Variants in PRKN observed in about 807,000 individuals in gnomAD.
PRKN encodes parkin RBR E3 ubiquitin protein ligase.
Under a neutral mutation model 59.5 loss-of-function variants are expected in PRKN, and 56 were observed. The observed-to-expected ratio is 0.94, with a 90% CI of 0.76 to 1.18. The LOEUF (loss-of-function observed/expected upper bound fraction) is 1.18, where lower values mean the gene tolerates loss of function less well. Ranked by LOEUF, PRKN falls within the 50% of genes most tolerant of loss-of-function variation. The pLI is 0.00. For missense variants in PRKN, 657 were observed against 596.4 expected (o/e 1.10, Z -1.06); for synonymous variants, 250 against 222.1 (o/e 1.13, Z -1.12).
chr6:162,268,723 A>G lies in PRKN; in HGVS notation c.172-5958T>C, dbSNP rs773710213. Among the ~76,000 whole-genome samples, 195 of 152,224 alleles carry G rather than the reference A, an allele frequency of 1.3e-3. 1 individual carries two copies. Among genetic ancestry groups the G allele is most frequent in the Non-Finnish European group, 2.2e-3 (147 of 68,006 alleles). On this transcript the variant is annotated intron_variant, in intron 2 of 11. Transcript: ENST00000366898. ...TCCCGAGTGTGAAGCCAGGGTAGGAACCCAGGCCATCGACTCCTCTGCTGG... is the reference window on the plus strand; with the variant it reads ...TCCCGAGTGTGAAGCCAGGGTAGGAGCCCAGGCCATCGACTCCTCTGCTGG...
intron 7 of PRKN, among the ~76,000 whole-genome samples, chr6:161,618,422 C>G (rs1443404217): frequency 1.3e-5 from 2 of 152,290 alleles, no homozygotes; most frequent in South Asian, 2.1e-4. Flanking sequence ...AGGTAAAAGA[C>G]TATGTCCAAA....
chr6:162,665,530 G>T (rs1045836174), intron 1 of PRKN, among the ~76,000 whole-genome samples: 3 of 152,022 alleles, frequency 2.0e-5, no homozygotes, highest in Non-Finnish European at 4.4e-5. Context: ...AGAGAAATAA[G>T]ATAGGACACA....
rs1369004068 is a variant in PRKN at position 161,414,116 on chromosome 6, C to T, written c.1084-27239G>A. On this transcript the variant is annotated intron_variant, in intron 9 of 11. Transcript: ENST00000366898. The surrounding 1 kb of genome is among the most constrained non-coding windows in gnomAD (Gnocchi z 5.3). Reference sequence around the variant, plus strand: ...GTGTCATTTTAATTCAGACTTCTCTCTTTCTTTGCTGCAAATGGCTCTCTG... The same window carrying T: ...GTGTCATTTTAATTCAGACTTCTCTTTTTCTTTGCTGCAAATGGCTCTCTG... Among the ~76,000 whole-genome samples the T allele has an allele frequency of 1.3e-5, 2 of 152,176 alleles. No homozygotes were observed. Among genetic ancestry groups the T allele is most frequent in the African/African-American group, 4.8e-5 (2 of 41,418 alleles).
chr6:162,236,401 G>C (rs1778716980), intron 3 of PRKN, among the ~76,000 whole-genome samples: 1 of 152,128 alleles, frequency 6.6e-6, no homozygotes, highest in Non-Finnish European at 1.5e-5. Context: ...TGGCCCTAGG[G>C]TAAAACCCTC....
At chr6:162,637,252 G>A (rs1777755007) in intron 1 of PRKN, among the ~76,000 whole-genome samples, 2 of 146,948 alleles carry the variant, frequency 1.4e-5, no homozygotes, top group African/African-American at 2.5e-5. Flanking sequence ...GCAAGACTCC[G>A]TCTGCCACCT....
intron 2 of PRKN, among the ~76,000 whole-genome samples, chr6:162,369,679 C>T (rs1048956781): frequency 2.6e-5 from 4 of 152,116 alleles, no homozygotes; most frequent in Non-Finnish European, 5.9e-5. Flanking sequence ...CTTCATCCTC[C>T]CCAGGGCAGA....
At chr6:161,947,017 C>T (rs1562410053) in intron 6 of PRKN, among the ~76,000 whole-genome samples, 1 of 152,100 alleles carries the variant, frequency 6.6e-6, no homozygotes, top group Non-Finnish European at 1.5e-5. Flanking sequence ...TGTATCTATG[C>T]ACTTATATTT....
intron 5 of PRKN, among the ~76,000 whole-genome samples, chr6:161,995,819 C>T (rs1781819288): frequency 6.6e-6 from 1 of 152,078 alleles, no homozygotes; most frequent in East Asian, 1.9e-4. Context: ...TAAATTAGTA[C>T]AGCCATTCTG....
At chr6:162,249,289 T>C (rs1023334344) in intron 3 of PRKN, among the ~76,000 whole-genome samples, 1 of 152,216 alleles carries the variant, frequency 6.6e-6, no homozygotes, top group African/African-American at 2.4e-5. Flanking sequence ...ACATAGTTAT[T>C]AACATAGGTT....
chr6:161,822,635 C>T (rs796635973), intron 6 of PRKN, among the ~76,000 whole-genome samples: 3 of 152,086 alleles, frequency 2.0e-5, no homozygotes, highest in African/African-American at 7.2e-5. Flanking sequence ...GAGGTTGCAC[C>T]ACTACATTCT....
intron 7 of PRKN, among the ~76,000 whole-genome samples, chr6:161,644,510 G>T (rs564588304): frequency 6.6e-6 from 1 of 152,300 alleles, no homozygotes; most frequent in African/African-American, 2.4e-5. Flanking sequence ...CATGTCTTCC[G>T]GCAGCTACAT....
rs570583036 is a variant in PRKN, at chr6:161,863,988, A to G, written c.735-78080T>C. The stretch of plus-strand genomic sequence containing the variant: ...GCTAATGATCATCTGAGCATTCAGC[A>G]GCTTTTAATTTTTTGCTGGTAGAGG... On this transcript the variant is annotated intron_variant, in intron 6 of 11. Coordinates refer to ENST00000366898, the MANE Select transcript of PRKN (RefSeq NM_004562.3). Among the ~76,000 whole-genome samples, 3 of 152,322 alleles carry G rather than the reference A, an allele frequency of 2.0e-5. No individual in the cohort carries two copies. In the South Asian group the frequency reaches 6.2e-4, roughly 32 times the overall value.
At chr6:162,203,094 A>C (rs1221238680) in intron 3 of PRKN, among the ~76,000 whole-genome samples, 1 of 152,194 alleles carries the variant, frequency 6.6e-6, no homozygotes, top group Non-Finnish European at 1.5e-5. Context: ...ATATTAAAAG[A>C]AGCATCTCAG....
chr6:161,593,761 C>G lies in PRKN; in HGVS notation c.872-24345G>C, dbSNP rs983045817. Among the ~76,000 whole-genome samples the G allele has an allele frequency of 7.2e-5, 11 of 152,056 alleles. No individual in the cohort carries two copies. Among genetic ancestry groups the G allele is most frequent in the African/African-American group, 2.7e-4 (11 of 41,398 alleles). ...CACATTGGCAAAGCTTATAAATTATCCAGTTGTAGCCAAGAGAAGAAGGTG... is the reference window on the plus strand; with the variant it reads ...CACATTGGCAAAGCTTATAAATTATGCAGTTGTAGCCAAGAGAAGAAGGTG... On this transcript the variant is annotated intron_variant, in intron 7 of 11. Coordinates refer to ENST00000366898, the MANE Select transcript of PRKN (RefSeq NM_004562.3). This position sits in a 1 kb window ranked among gnomAD's most constrained non-coding sequence, Gnocchi z 4.8.
At chr6:162,216,660 G>A (rs1777684727) in intron 3 of PRKN, among the ~76,000 whole-genome samples, 1 of 150,020 alleles carries the variant, frequency 6.7e-6, no homozygotes, top group Non-Finnish European at 1.5e-5. Context: ...GACTCTCACA[G>A]ACGGTGTCTG....
intron 4 of PRKN, among the ~76,000 whole-genome samples, chr6:162,192,854 C>T (rs1784341684): frequency 6.6e-6 from 1 of 152,134 alleles, no homozygotes; most frequent in Non-Finnish European, 1.5e-5. Context: ...AACAAAAACA[C>T]TGAGACACTC....
intron 1 of PRKN, among the ~76,000 whole-genome samples, chr6:162,669,149 AC>A (rs1288996978): frequency 4.6e-5 from 7 of 152,148 alleles, no homozygotes; most frequent in Non-Finnish European, 8.8e-5. Context: ...AGTATACCTC[AC>A]CACAGAAAAG....
chr6:161,688,537 T>C (rs544175328), intron 7 of PRKN, among the ~76,000 whole-genome samples: 2 of 152,364 alleles, frequency 1.3e-5, no homozygotes, highest in African/African-American at 4.8e-5. Flanking sequence ...AATTTGCTGC[T>C]ACTAAAAACA....
chr6:161,750,709 G>A (rs1788653817), intron 7 of PRKN, among the ~76,000 whole-genome samples: 1 of 150,672 alleles, frequency 6.6e-6, no homozygotes, highest in African/African-American at 2.4e-5. Context: ...AGAGGTTGCA[G>A]TGAGCCGAGA....
Sources: gnomAD v4.1 joint callset for allele counts (sites outside exome capture counted in the v4.1 genomes callset) on GRCh38, gnomAD v4.1.1 for gene constraint, Gnocchi (gnomAD v3.1) non-coding constraint, MANE v1.5 for transcripts, NCBI Gene and HGNC (gene_info 2026-07-23, HGNC 2026-07-21) for gene names.